The following LOC400499 variants were observed in gnomAD, a reference collection of about 807,000 sequenced individuals.
chr16:11,446,677 G>A, the LOC400499 span: 1 of 1,533,030 alleles, frequency 6.5e-7, no homozygotes. Context: ...CGCATGCAGG[G>A]AGTGAGGAGG....
At chr16:11,495,791 A>C in the LOC400499 span, among the ~76,000 whole-genome samples, 1 of 152,194 alleles carries the variant, frequency 6.6e-6, no homozygotes, top group Non-Finnish European at 1.5e-5. Context: ...CAGGAAGCTG[A>C]GACACAGGAA....
the LOC400499 span, among the ~76,000 whole-genome samples, chr16:11,415,696 A>G: frequency 0.15 from 22,583 of 152,130 alleles, 2,187 homozygotes; most frequent in African/African-American, 0.28. Flanking sequence ...CCCAGGAGGT[A>G]GGGACAACAG....
chr16:11,465,826 A>C, the LOC400499 span, among the ~76,000 whole-genome samples: 2 of 137,070 alleles, frequency 1.5e-5, no homozygotes, highest in African/African-American at 5.5e-5. Context: ...GACATGGGGG[A>C]AAGTGGGGGA....
the LOC400499 span, chr16:11,440,660 C>A: frequency 3.8e-5 from 15 of 398,444 alleles, no homozygotes; most frequent in Non-Finnish European, 5.7e-5. Flanking sequence ...ATACAGGGCA[C>A]CTTCACTAAA....
chr16:11,389,802 CG>C, the LOC400499 span, among the ~76,000 whole-genome samples: 3 of 152,146 alleles, frequency 2.0e-5, no homozygotes, highest in Non-Finnish European at 2.9e-5. Flanking sequence ...GTACCAGCCC[CG>C]GTGTAGATGA....
the LOC400499 span, among the ~76,000 whole-genome samples, chr16:11,483,118 C>G: frequency 3.3e-5 from 5 of 152,206 alleles, no homozygotes; most frequent in South Asian, 1.0e-3. Context: ...GATACCACAA[C>G]GCATTATTAG....
At chr16:11,437,607 C>T in the LOC400499 span, among the ~76,000 whole-genome samples, 1 of 152,062 alleles carries the variant, frequency 6.6e-6, no homozygotes, top group Non-Finnish European at 1.5e-5. Context: ...GCAGCTCACA[C>T]CAGTAATCCC....
the LOC400499 span, chr16:11,404,985 T>C: frequency 2.5e-6 from 1 of 397,194 alleles, no homozygotes; most frequent in Non-Finnish European, 4.4e-6. Context: ...TACAGTTTCC[T>C]GAATGGTGAC....
At chr16:11,398,322 T>C in the LOC400499 span, 5 of 1,232,204 alleles carry the variant, frequency 4.1e-6, no homozygotes, top group Non-Finnish European at 4.0e-6. Context: ...GTCCTCCAGC[T>C]GCCCCCTTCT....
chr16:11,515,859 C>CA, the LOC400499 span: 1 of 199,510 alleles, frequency 5.0e-6, no homozygotes, highest in Non-Finnish European at 8.0e-6. Context: ...CGGCCCAGCC[C>CA]AGCCCAGCCC....
At chr16:11,476,093 G>T in the LOC400499 span, among the ~76,000 whole-genome samples, 1 of 151,818 alleles carries the variant, frequency 6.6e-6, no homozygotes, top group Non-Finnish European at 1.5e-5. Flanking sequence ...AGGCCCTGGG[G>T]TAGGAACAAG....
the LOC400499 span, among the ~76,000 whole-genome samples, chr16:11,417,297 G>T: frequency 1.3e-5 from 2 of 152,098 alleles, no homozygotes; most frequent in Non-Finnish European, 2.9e-5. Flanking sequence ...TGCAATCATA[G>T]CTCATTGCAA....
chr16:11,452,527 C>A, the LOC400499 span, among the ~76,000 whole-genome samples: 1 of 152,178 alleles, frequency 6.6e-6, no homozygotes, highest in African/African-American at 2.4e-5. Context: ...TCAGGGAGCC[C>A]ACAGCGGCCC....
At chr16:11,437,386 G>T in the LOC400499 span, among the ~76,000 whole-genome samples, 2 of 152,070 alleles carry the variant, frequency 1.3e-5, no homozygotes, top group Non-Finnish European at 2.9e-5. Context: ...AGCAATACCC[G>T]CATCTCTACA....
chr16:11,390,467 C>G, the LOC400499 span: 1 of 1,239,290 alleles, frequency 8.1e-7, no homozygotes, highest in Non-Finnish European at 1.0e-6. Flanking sequence ...AGGGGCCCTG[C>G]AACAGGCAGC....
the LOC400499 span, among the ~76,000 whole-genome samples, chr16:11,430,867 T>G: frequency 6.6e-6 from 1 of 152,240 alleles, no homozygotes; most frequent in Non-Finnish European, 1.5e-5. Context: ...GAATGCATGT[T>G]CATTTCTCAC....
the LOC400499 span, among the ~76,000 whole-genome samples, chr16:11,388,871 G>A: frequency 1.3e-5 from 2 of 152,198 alleles, no homozygotes; most frequent in Admixed American, 1.3e-4. Context: ...CAAGTTGCTT[G>A]AGCTCAGGAG....
At chr16:11,509,124 T>TC in the LOC400499 span, among the ~76,000 whole-genome samples, 1 of 148,462 alleles carries the variant, frequency 6.7e-6, no homozygotes, top group Non-Finnish European at 1.5e-5. Flanking sequence ...TTTTTTCTTT[T>TC]TTTTTTTTTT....
At chr16:11,448,155 GC>G in the LOC400499 span, 2 of 1,455,432 alleles carry the variant, frequency 1.4e-6, no homozygotes, top group Non-Finnish European at 1.8e-6. Context: ...GCAAGAGGTA[GC>G]CCCCCACAAC....
Sources: gnomAD v4.1 joint callset for allele counts (sites outside exome capture counted in the v4.1 genomes callset) on GRCh38, gnomAD v4.1.1 for gene constraint, MANE v1.5 for transcripts.